Variants in EVL observed in about 807,000 individuals in gnomAD.
EVL encodes the protein Enah/Vasp-like.
Under a neutral mutation model 59.6 loss-of-function variants are expected in EVL, and 21 were observed. The ratio of observed to expected loss-of-function variants is 0.35; its 90% CI spans 0.25 to 0.51. The LOEUF (loss-of-function observed/expected upper bound fraction) is 0.51. EVL is among the 20% of genes least tolerant of loss of function. The probability of loss-of-function intolerance (pLI) is 0.97; values close to 1 mark genes in which losing one functional copy is unlikely to be tolerated. For synonymous variants in EVL, 198 were observed against 203.5 expected (o/e 0.97, Z 0.23); for missense variants, 462 against 546.6 (o/e 0.85, Z 1.54).
rs1222011892 is a variant in EVL at position 99,982,951 on chromosome 14, T to C, written c.5+10894T>C. ...TCAAGTATAAATGAGGACAGTTCACTTTCTTCAGAGGGTTTTGTGAGGATC... is the reference window on the plus strand; with the variant it reads ...TCAAGTATAAATGAGGACAGTTCACCTTCTTCAGAGGGTTTTGTGAGGATC... On this transcript the variant is annotated intron_variant, in intron 1 of 13. Transcript: ENST00000402714. Among the ~76,000 whole-genome samples the C allele has an allele frequency of 3.3e-5, 5 of 152,194 alleles. No homozygotes were observed. The East Asian group carries it at 9.6e-4, about 29-fold the overall frequency.
At chr14:100,083,370 C>T (rs1477651884) in intron 1 of EVL, among the ~76,000 whole-genome samples, 1 of 151,860 alleles carries the variant, frequency 6.6e-6, no homozygotes, top group Non-Finnish European at 1.5e-5. Flanking sequence ...ACAGTTTACT[C>T]TATCTTTTTT....
At chr14:99,978,296 G>T (rs916867014) in intron 1 of EVL, among the ~76,000 whole-genome samples, 1 of 151,628 alleles carries the variant, frequency 6.6e-6, no homozygotes, top group Non-Finnish European at 1.5e-5. Flanking sequence ...CAGCTACTCC[G>T]GAGGCTGAGG....
intron 1 of EVL, among the ~76,000 whole-genome samples, chr14:99,975,349 T>G (rs981862576): frequency 5.9e-5 from 9 of 152,218 alleles, no homozygotes; most frequent in Non-Finnish European, 2.9e-5. Context: ...TATTTATAAT[T>G]AGAGTTTTTA....
chr14:99,987,381 C>T (rs2060846172), intron 1 of EVL, among the ~76,000 whole-genome samples: 1 of 152,162 alleles, frequency 6.6e-6, no homozygotes, highest in Admixed American at 6.5e-5. Context: ...GTGGCTCATG[C>T]CTGTAATCCT....
At chr14:100,101,639 G>A (rs531585489) in intron 3 of EVL, among the ~76,000 whole-genome samples, 76 of 152,230 alleles carry the variant, frequency 5.0e-4, no homozygotes, top group African/African-American at 8.4e-4. Context: ...GTGAAACTCC[G>A]TCTCAAAAAA....
chr14:100,043,275 ATGTG>A (rs1175983248), intron 1 of EVL, among the ~76,000 whole-genome samples: 1 of 148,772 alleles, frequency 6.7e-6, no homozygotes, highest in South Asian at 2.1e-4. Context: ...GTATATATAT[ATGTG>A]TGTGTGTATA....
intron 4 of EVL, among the ~76,000 whole-genome samples, chr14:100,126,123 G>A (rs1888055418): frequency 6.6e-6 from 1 of 152,204 alleles, no homozygotes; most frequent in African/African-American, 2.4e-5. Flanking sequence ...TTGCCTTTAA[G>A]AGCACCCTGA....
rs1005887115 is a variant in EVL at position 99,972,904 on chromosome 14, C to T, written c.5+847C>T. ...TTTGCCTGTTTTGTATTATTTATGA[C>T]AATGAAATAATACAGTATTCTTTTG... On this transcript the variant is annotated intron_variant, in intron 1 of 13. Transcript: ENST00000402714. The surrounding 1 kb of genome is among the most constrained non-coding windows in gnomAD (Gnocchi z 4.4). Among the ~76,000 whole-genome samples the T allele has an allele frequency of 2.0e-5, 3 of 151,944 alleles. No homozygotes were observed. Among genetic ancestry groups the T allele is most frequent in the African/African-American group, 7.3e-5 (3 of 41,332 alleles).
At chr14:100,139,757 A>T (rs948411623) in intron 11 of EVL, 16 of 152,268 alleles carry the variant, frequency 1.1e-4, no homozygotes, top group Non-Finnish European at 1.5e-4. Context: ...GCCCTGCCAG[A>T]TAAATGTGTG....
chr14:100,021,969 G>T lies in EVL; in HGVS notation c.5+49912G>T, dbSNP rs116560552. Among the ~76,000 whole-genome samples the T allele has an allele frequency of 6.6e-3, 1,012 of 152,200 alleles. 8 individuals are homozygous for T. Among genetic ancestry groups the T allele is most frequent in the African/African-American group, 0.023 (963 of 41,506 alleles). ...TTTGGGATGAGAATCAGAGAACTTGGTTTTATAATCTCGGTGCCGCTATGA... is the reference window on the plus strand; with the variant it reads ...TTTGGGATGAGAATCAGAGAACTTGTTTTTATAATCTCGGTGCCGCTATGA... On this transcript the variant is annotated intron_variant, in intron 1 of 13. Transcript: ENST00000402714.
intron 8 of EVL, among the ~76,000 whole-genome samples, chr14:100,133,532 C>A (rs1888574528): frequency 6.6e-6 from 1 of 152,348 alleles, no homozygotes; most frequent in East Asian, 1.9e-4. Flanking sequence ...GGCTATAGCC[C>A]TCCCAGCTGA....
intron 4 of EVL, 80 bp from the exon 5 acceptor site, chr14:100,126,627 C>T (rs1181656569): frequency 8.8e-6 from 13 of 1,481,224 alleles, no homozygotes; most frequent in Middle Eastern, 1.9e-4. Context: ...AAGCCGGGGC[C>T]GGCGGGTACA....
chr14:100,113,148 AG>A (rs1887110857), intron 3 of EVL, among the ~76,000 whole-genome samples: 1 of 152,168 alleles, frequency 6.6e-6, no homozygotes, highest in Non-Finnish European at 1.5e-5. Context: ...TTAGAAGAGT[AG>A]CCCAAAAAGA....
At chr14:100,101,207 G>A (rs1015476425) in intron 3 of EVL, among the ~76,000 whole-genome samples, 4 of 152,080 alleles carry the variant, frequency 2.6e-5, no homozygotes, top group African/African-American at 7.2e-5. Context: ...AAATTAGGCC[G>A]GGCGCGGTGG....
intron 3 of EVL, among the ~76,000 whole-genome samples, chr14:100,103,100 CAAAAA>C (rs59534389): frequency 1.1e-5 from 1 of 94,482 alleles, no homozygotes. Context: ...GACTCCGTCT[CAAAAA>C]AAAAAAAAAA....
chr14:100,008,730 C>T (rs1270984451), intron 1 of EVL, among the ~76,000 whole-genome samples: 1 of 152,144 alleles, frequency 6.6e-6, no homozygotes, highest in Non-Finnish European at 1.5e-5. Flanking sequence ...TAACAAATCC[C>T]AGTGTGGCAT....
chr14:100,042,295 G>A (rs1364446859), intron 1 of EVL, among the ~76,000 whole-genome samples: 1 of 152,128 alleles, frequency 6.6e-6, no homozygotes, highest in Admixed American at 6.5e-5. Context: ...GATGTCTAGA[G>A]CCCTGATGAA....
At chr14:100,107,028 C>T (rs1234033500) in intron 3 of EVL, 3 of 398,622 alleles carry the variant, frequency 7.5e-6, no homozygotes, top group Non-Finnish European at 1.3e-5. Flanking sequence ...TGACCCTGAG[C>T]AAGTCACCTC....
rs12436233 is a variant in EVL at position 100,000,559 on chromosome 14, G to A, written c.5+28502G>A. ...AGACGGGGTTTCACCGTTTTAGCCAGAATGGTCCCGATCTCCTGACCTCGT... is the reference window on the plus strand; with the variant it reads ...AGACGGGGTTTCACCGTTTTAGCCAAAATGGTCCCGATCTCCTGACCTCGT... On this transcript the variant is annotated intron_variant, in intron 1 of 13. Coordinates refer to the EVL transcript ENST00000402714. 4.4e-3 allele frequency among the ~76,000 whole-genome samples: 663 copies of A among 152,182 alleles called. 5 individuals are homozygous for A. Among genetic ancestry groups the A allele is most frequent in the Middle Eastern group, 0.024 (7 of 292 alleles).
Sources: gnomAD v4.1 joint callset for allele counts (sites outside exome capture counted in the v4.1 genomes callset) on GRCh38, gnomAD v4.1.1 for gene constraint, Gnocchi (gnomAD v3.1) non-coding constraint, MANE v1.5 for transcripts, NCBI Gene and HGNC (gene_info 2026-07-23, HGNC 2026-07-21) for gene names.